The following CRAMP1 variants were observed in gnomAD, a reference collection of about 807,000 sequenced individuals.
The protein encoded by CRAMP1 is cramped chromatin regulator 1.
CRAMP1 carries 50 observed loss-of-function variants against 115.4 expected under a neutral mutation model. The ratio of observed to expected loss-of-function variants is 0.43; its 90% CI spans 0.35 to 0.55. The LOEUF is 0.55. Ranked by LOEUF, CRAMP1 falls within the 20% of genes least tolerant of loss-of-function variation. The probability of loss-of-function intolerance (pLI) is 0.01; values close to 1 mark genes in which losing one functional copy is unlikely to be tolerated. For missense variants in CRAMP1, 1,679 were observed against 1,721.7 expected (o/e 0.98, Z 0.44); for synonymous variants, 866 against 745.4 (o/e 1.16, Z -2.64).
intron 9 of CRAMP1, 35 bp from the exon 10 acceptor site, chr16:1,655,842 C>G: frequency 6.3e-7 from 1 of 1,581,086 alleles, no homozygotes; most frequent in Non-Finnish European, 8.6e-7. Flanking sequence ...GACCTCAGTG[C>G]TAGCCAGTGT....
At chr16:1,639,967 C>T (rs2036618603) in intron 5 of CRAMP1, among the ~76,000 whole-genome samples, 2 of 152,200 alleles carry the variant, frequency 1.3e-5, no homozygotes, top group Admixed American at 6.5e-5. Flanking sequence ...GGGCACACTG[C>T]TCCCAGGCTT....
intron 6 of CRAMP1, among the ~76,000 whole-genome samples, chr16:1,641,723 C>T (rs567095994): frequency 6.6e-6 from 1 of 152,212 alleles, no homozygotes; most frequent in Non-Finnish European, 1.5e-5. Context: ...TTGACATCTG[C>T]CCAGTTGCTG....
At chr16:1,659,533 G>A (rs994231982) in intron 10 of CRAMP1, among the ~76,000 whole-genome samples, 35 of 151,976 alleles carry the variant, frequency 2.3e-4, no homozygotes, top group African/African-American at 8.2e-4. Flanking sequence ...GACTACGGGC[G>A]CCCACCACCA....
At chr16:1,630,807 T>C (rs569119385) in intron 3 of CRAMP1, among the ~76,000 whole-genome samples, 1 of 152,316 alleles carries the variant, frequency 6.6e-6, no homozygotes, top group East Asian at 1.9e-4. Flanking sequence ...CTTGTGTCAG[T>C]TTGGGTTGAT....
chr16:1,635,899 A>G (rs1175131749), intron 4 of CRAMP1, among the ~76,000 whole-genome samples: 1 of 151,980 alleles, frequency 6.6e-6, no homozygotes, highest in African/African-American at 2.4e-5. Context: ...ATCACGTGCT[A>G]TGTGTCCTTC....
At chr16:1,632,146 T>C in intron 3 of CRAMP1, 66 bp from the exon 4 acceptor site, 2 of 1,483,824 alleles carry the variant, frequency 1.3e-6, no homozygotes, top group Non-Finnish European at 1.8e-6. Flanking sequence ...TTGGAAAGGG[T>C]CCAGTTAACA....
rs2036958176 is a variant in CRAMP1 at position 1,675,282 on chromosome 16, G to C, written c.*1237G>C. On this transcript the variant is annotated 3_prime_UTR_variant, in exon 21 of 21. Coordinates refer to ENST00000397412, the MANE Select transcript of CRAMP1 (RefSeq NM_020825.4). ...TGCCTTCTCATCCTCAGGAGTTCCA[G>C]GCACATGAGTCACCGTCCATCCACA... The C allele has an allele frequency of 6.6e-6, 1 of 152,358 alleles. No individual in the cohort carries two copies. Among genetic ancestry groups the C allele is most frequent in the Admixed American group, 6.5e-5 (1 of 15,288 alleles). The allele number at this position is 152,358 out of a possible 1,614,324, so 9.4% of individuals were successfully genotyped here.
chr16:1,648,317 A>G (rs1367157013), intron 6 of CRAMP1, among the ~76,000 whole-genome samples: 1 of 152,140 alleles, frequency 6.6e-6, no homozygotes, highest in African/African-American at 2.4e-5. Flanking sequence ...ATTATTTTAG[A>G]ATTGACTTGA....
At chr16:1,654,799 G>T (rs77704630) in intron 8 of CRAMP1, among the ~76,000 whole-genome samples, 4,141 of 152,288 alleles carry the variant, frequency 0.027, 195 homozygotes, top group African/African-American at 0.094. Context: ...ATGCTTTTGA[G>T]GTTCACCCAT....
At chr16:1,629,945 T>C (rs2036536618) in intron 3 of CRAMP1, among the ~76,000 whole-genome samples, 1 of 152,044 alleles carries the variant, frequency 6.6e-6, no homozygotes, top group Admixed American at 6.6e-5. Flanking sequence ...GATCCTAAAA[T>C]GTGTCAGTGT....
intron 5 of CRAMP1, among the ~76,000 whole-genome samples, chr16:1,640,077 C>A (rs2036619742): frequency 6.6e-6 from 1 of 152,222 alleles, no homozygotes; most frequent in Admixed American, 6.5e-5. Flanking sequence ...TGGTGCCTCG[C>A]CTGGCGACAA....
chr16:1,677,678 T>G lies in CRAMP1; in HGVS notation c.*3633T>G, dbSNP rs2036982213. Reference sequence around the variant, plus strand: ...CGCTCGTTTCAGATATGAATTTGTTTTATAGATTATAAATATGCATATACA... The same window carrying G: ...CGCTCGTTTCAGATATGAATTTGTTGTATAGATTATAAATATGCATATACA... On this transcript the variant is annotated 3_prime_UTR_variant, in exon 21 of 21. Coordinates refer to ENST00000397412, the MANE Select transcript of CRAMP1 (RefSeq NM_020825.4). 1 of 152,654 alleles carries G rather than the reference T, an allele frequency of 6.6e-6. No homozygotes were observed. Among genetic ancestry groups the G allele is most frequent in the Non-Finnish European group, 1.5e-5 (1 of 68,046 alleles). The allele number at this position is 152,654 out of a possible 1,614,324, so 9.5% of individuals were successfully genotyped here.
chr16:1,626,315 A>G (rs1555498987), intron 3 of CRAMP1, 149 bp downstream of exon 3: 1 of 669,070 alleles, frequency 1.5e-6, no homozygotes, highest in Non-Finnish European at 2.5e-6. Flanking sequence ...TGTGGGCTCT[A>G]GCCTTGCCCA....
rs977122147 is a variant in CRAMP1, at chr16:1,676,562, C to T, written c.*2517C>T. On this transcript the variant is annotated 3_prime_UTR_variant, in exon 21 of 21. Transcript: ENST00000397412. ...CTGCCTTTCCAACAGAAGCGGTGAT[C>T]GTCTAAGTATGAGCCTGTGGCTTCC... The T allele has an allele frequency of 2.0e-5, 3 of 152,196 alleles. No individual in the cohort carries two copies. Among genetic ancestry groups the T allele is most frequent in the East Asian group, 1.9e-4 (1 of 5,202 alleles). 9.4% of individuals were successfully genotyped at this position (152,196 alleles called of 1,614,324 possible).
chr16:1,660,273 G>T (rs1223266935), intron 11 of CRAMP1, among the ~76,000 whole-genome samples: 1 of 152,242 alleles, frequency 6.6e-6, no homozygotes, highest in South Asian at 2.1e-4. Flanking sequence ...AGGACTTTGG[G>T]GTCCCAGGGC....
At chr16:1,664,195 G>T (rs12598284) in intron 13 of CRAMP1, among the ~76,000 whole-genome samples, 6,774 of 152,262 alleles carry the variant, frequency 0.044, 417 homozygotes, top group Admixed American at 0.14. Flanking sequence ...TGTTTTATCT[G>T]GATTACTAGC....
rs1332332079 is a variant in CRAMP1 at position 1,672,460 on chromosome 16, G to A, written c.3646-1421G>A. Among the ~76,000 whole-genome samples the A allele has an allele frequency of 6.6e-6, 1 of 152,012 alleles. No homozygotes were observed. The highest frequency in any genetic ancestry group is 1.5e-5 in the Non-Finnish European group (1 of 68,008). Reference sequence around the variant, plus strand: ...AAGGGTCTGGTGGTAGGGCTAGCATGAAGGGGGCGGGGGTGGAGCTGGGTG... The same window carrying A: ...AAGGGTCTGGTGGTAGGGCTAGCATAAAGGGGGCGGGGGTGGAGCTGGGTG... On this transcript the variant is annotated intron_variant, in intron 20 of 20. Coordinates refer to ENST00000397412, the MANE Select transcript of CRAMP1 (RefSeq NM_020825.4). This position sits in a 1 kb window ranked among gnomAD's most constrained non-coding sequence, Gnocchi z 4.9.
rs2036966550 is a variant in CRAMP1 at position 1,676,234 on chromosome 16, GTAGACTCCT to G, written c.*2190_*2198del. The G allele has an allele frequency of 6.6e-6, 1 of 152,298 alleles. No homozygotes were observed. The highest frequency in any genetic ancestry group is 1.5e-5 in the Non-Finnish European group (1 of 68,072). The allele number at this position is 152,298 out of a possible 1,614,324, so 9.4% of individuals were successfully genotyped here. Reference sequence around the variant, plus strand: ...AGCACCTACCACTTGGTTCTCCAGCGTAGACTCCTGGGAGCAGCCAACTGCAGCCATTGC... The same window carrying G: ...AGCACCTACCACTTGGTTCTCCAGCGGGGAGCAGCCAACTGCAGCCATTGC... On this transcript the variant is annotated 3_prime_UTR_variant, in exon 21 of 21. Coordinates refer to ENST00000397412, the MANE Select transcript of CRAMP1 (RefSeq NM_020825.4).
intron 2 of CRAMP1, among the ~76,000 whole-genome samples, chr16:1,615,768 G>A (rs2142165691): frequency 6.6e-6 from 1 of 152,266 alleles, no homozygotes; most frequent in East Asian, 1.9e-4. Context: ...TCCTTACGCA[G>A]GTGAATGACT....
Sources: gnomAD v4.1 joint callset for allele counts (sites outside exome capture counted in the v4.1 genomes callset) on GRCh38, gnomAD v4.1.1 for gene constraint, Gnocchi (gnomAD v3.1) non-coding constraint, MANE v1.5 for transcripts, NCBI Gene and HGNC (gene_info 2026-07-23, HGNC 2026-07-21) for gene names.